The following COL5A1 variants were observed in gnomAD, a reference collection of about 807,000 sequenced individuals.
The protein encoded by COL5A1 is collagen type V alpha 1 chain.
Under a neutral mutation model 263.7 loss-of-function variants are expected in COL5A1, and 16 were observed. That is an observed-to-expected ratio of 0.06 (90% CI 0.04 to 0.09). COL5A1 has a LOEUF of 0.09. COL5A1 is among the 10% of genes least tolerant of loss of function. The pLI is 1.00. For missense variants in COL5A1, 2,036 were observed against 2,540.5 expected, an observed-to-expected ratio of 0.80 and a Z score of 4.27; for synonymous variants, 1,012 against 1,004.5, an observed-to-expected ratio of 1.01 and a Z score of -0.14.
intron 31 of COL5A1, among the ~76,000 whole-genome samples, chr9:134,786,508 G>A (rs1241134014): frequency 6.6e-6 from 1 of 152,200 alleles, no homozygotes; most frequent in African/African-American, 2.4e-5. Flanking sequence ...TGCTTGGCTG[G>A]TGGCCCTTTT....
intron 4 of COL5A1, among the ~76,000 whole-genome samples, chr9:134,702,485 C>T (rs192834371): frequency 7.9e-5 from 12 of 152,264 alleles, no homozygotes; most frequent in Non-Finnish European, 1.5e-4. Context: ...TGTTTCTTCT[C>T]GGTGACTCGG....
rs968225774 is a variant in COL5A1, at chr9:134,751,400, C to T, written c.1662+518C>T. Among the ~76,000 whole-genome samples the T allele has an allele frequency of 1.1e-4, 16 of 152,362 alleles. 1 individual carries two copies. Among genetic ancestry groups the T allele is most frequent in the African/African-American group, 3.8e-4 (16 of 41,592 alleles). ...TGGTGACCTTTGCCTCTGTGCTAGG[C>T]CCTCTGCTGGGATCCAGAAGTGGAG... is the stretch of plus-strand genomic sequence containing the variant. On this transcript the variant is annotated intron_variant, in intron 13 of 65. Coordinates refer to ENST00000371817, the MANE Select transcript of COL5A1 (RefSeq NM_000093.5).
rs1344293619 is a variant in COL5A1 at position 134,652,135 on chromosome 9, G to A, written c.109+9839G>A. On this transcript the variant is annotated intron_variant, in intron 1 of 65. Transcript: ENST00000371817. This position sits in a 1 kb window ranked among gnomAD's most constrained non-coding sequence, Gnocchi z 4.4. ...CGTTCTCGAGGGAAGGGTAGGGAAC[G>A]ATTTCTGACTGCGATTGTAAGAGCT... Among the ~76,000 whole-genome samples the A allele has an allele frequency of 6.6e-6, 1 of 152,152 alleles. No individual in the cohort carries two copies. Among genetic ancestry groups the A allele is most frequent in the Non-Finnish European group, 1.5e-5 (1 of 68,040 alleles).
chr9:134,731,366 C>A, intron 7 of COL5A1, 130 bp from the exon 8 acceptor site: 1 of 945,760 alleles, frequency 1.1e-6, no homozygotes, highest in Non-Finnish European at 1.6e-6. Context: ...ATGGTGCCAG[C>A]ACAGGGCCTG....
chr9:134,753,047 G>A (rs1325533485), intron 14 of COL5A1, among the ~76,000 whole-genome samples: 1 of 152,176 alleles, frequency 6.6e-6, no homozygotes, highest in East Asian at 1.9e-4. Context: ...GTCACCAGAG[G>A]AGTGGCTCCT....
intron 4 of COL5A1, chr9:134,709,276 C>G: frequency 7.7e-6 from 2 of 260,084 alleles, no homozygotes; most frequent in South Asian, 3.4e-5. Flanking sequence ...GCTGAGGCTT[C>G]GGGGTGGGCT....
In COL5A1 at chr9:134,818,311, G is replaced by A. The variant is rs565167647; in HGVS notation, c.4231-345G>A. 6.6e-6 allele frequency among the ~76,000 whole-genome samples: 1 copy of A among 152,300 alleles called. No homozygotes were observed. Among genetic ancestry groups the A allele is most frequent in the South Asian group, 2.1e-4 (1 of 4,828 alleles). ...GCTATTCTGTCAGTGAGGTGATGGC[G>A]GCCCGGCCTGGCACTGTCTGCCTCC... On this transcript the variant is annotated intron_variant, in intron 54 of 65. Coordinates refer to ENST00000371817, the MANE Select transcript of COL5A1 (RefSeq NM_000093.5). This position sits in a 1 kb window ranked among gnomAD's most constrained non-coding sequence, Gnocchi z 6.0.
At chr9:134,729,048 C>T (rs1588477700) in intron 6 of COL5A1, among the ~76,000 whole-genome samples, 1 of 152,332 alleles carries the variant, frequency 6.6e-6, no homozygotes, top group African/African-American at 2.4e-5. Flanking sequence ...GAGCATCTGC[C>T]AGCATCTCTG....
chr9:134,754,321 A>C lies in COL5A1; in HGVS notation c.1822A>C (p.Arg608=). 6.2e-7 allele frequency: 1 copy of C among 1,614,058 alleles called. No individual in the cohort carries two copies. Among genetic ancestry groups the C allele is most frequent in the Non-Finnish European group, 8.5e-7 (1 of 1,180,044 alleles). ...GPPGPAGKPG[R]RGRAGSDGAR... ...GCCTGGTCCGGCCGGGAAGCCCGGAAGACGGGTGAGTGGTGCGAGTGTGTG... is the reference window on the plus strand; with the variant it reads ...GCCTGGTCCGGCCGGGAAGCCCGGACGACGGGTGAGTGGTGCGAGTGTGTG... Residue 608 remains arginine, a synonymous_variant, in exon 16 of 66, where the codon AGA becomes CGA. Transcript: ENST00000371817. The surrounding 1 kb of genome is among the most constrained non-coding windows in gnomAD (Gnocchi z 4.3).
At chr9:134,668,584 A>C (rs896859341) in intron 1 of COL5A1, among the ~76,000 whole-genome samples, 2 of 150,604 alleles carry the variant, frequency 1.3e-5, no homozygotes. Context: ...CCATCTATCT[A>C]CTTGTCCATC....
chr9:134,819,095 CT>C, intron 57 of COL5A1, 42 bp downstream of exon 57: 1 of 1,601,084 alleles, frequency 6.2e-7, no homozygotes, highest in Non-Finnish European at 8.6e-7. Flanking sequence ...GACTCGGGGC[CT>C]TCAAATTTGT....
intron 1 of COL5A1, among the ~76,000 whole-genome samples, chr9:134,644,591 G>GC (rs562703110): frequency 3.4e-5 from 5 of 146,490 alleles, no homozygotes; most frequent in African/African-American, 7.9e-5. Context: ...GGCAGGCGCG[G>GC]GGGGGAGCCA....
chr9:134,669,831 C>G (rs1458363024), intron 1 of COL5A1, among the ~76,000 whole-genome samples: 1 of 152,154 alleles, frequency 6.6e-6, no homozygotes, highest in Non-Finnish European at 1.5e-5. Flanking sequence ...AGACATAAGA[C>G]AACTCCATGG....
Position 134,758,268 on chromosome 9 carries a change from C to G in COL5A1, c.1907C>G (p.Ala636Gly). 1 of 1,614,016 alleles carries G rather than the reference C, an allele frequency of 6.2e-7. No individual in the cohort carries two copies. The highest frequency in any genetic ancestry group is 8.5e-7 in the Non-Finnish European group (1 of 1,179,998). ...GGTGACCGGGGTTTCGACGGCCTGGCTGGGTTGCCAGGCGAGAAGGGCCAC... is the reference window on the plus strand; with the variant it reads ...GGTGACCGGGGTTTCGACGGCCTGGGTGGGTTGCCAGGCGAGAAGGGCCAC... ...PKGDRGFDGL[A>G]GLPGEKGHRG... The change falls in exon 18 of 66, where the codon GCT becomes GGT. Residue 636 changes from alanine (A) to glycine (G), a missense_variant. Ala to Gly is a moderately conservative substitution (Grantham distance 60). Coordinates refer to ENST00000371817, the MANE Select transcript of COL5A1 (RefSeq NM_000093.5). The surrounding 1 kb of genome is among the most constrained non-coding windows in gnomAD (Gnocchi z 4.1).
At chr9:134,693,696 C>T (rs1174542695) in intron 2 of COL5A1, among the ~76,000 whole-genome samples, 4 of 152,202 alleles carry the variant, frequency 2.6e-5, no homozygotes, top group African/African-American at 4.8e-5. Flanking sequence ...CCCTTCCGCC[C>T]GGCCCTCCGA....
At position 134,748,323 on chromosome 9, in the gene COL5A1, A is replaced by G. The variant is rs570785025; in HGVS notation, c.1495-2219A>G. Among the ~76,000 whole-genome samples, 3 of 152,010 alleles carry G rather than the reference A, an allele frequency of 2.0e-5. No individual in the cohort carries two copies. The East Asian group carries it at 5.8e-4, about 29-fold the overall frequency. On this transcript the variant is annotated intron_variant, in intron 11 of 65. Transcript: ENST00000371817. ...CACACATGCATTGATAGTCACATAC[A>G]TGCACACACATGCATTCACACATTC...
In COL5A1 at chr9:134,642,142, C is replaced by T. The variant is rs867018027; in HGVS notation, c.-46C>T. 9 of 1,236,678 alleles carry T rather than the reference C, an allele frequency of 7.3e-6. No individual in the cohort carries two copies. The highest frequency in any genetic ancestry group is 3.1e-4 in the Middle Eastern group (1 of 3,244). 76.6% of individuals were successfully genotyped at this position (1,236,678 alleles called of 1,614,324 possible). A position where few individuals can be genotyped will look rare whatever the true frequency, so the allele number is the denominator to read the frequency against. ...TGACCCGCGCCCCTGTGCGTCCCCG[C>T]GCGCCTCCGAGCGCCCCTGTGCGCC... On this transcript the variant is annotated 5_prime_UTR_variant, in exon 1 of 66. Transcript: ENST00000371817. This position sits in a 1 kb window ranked among gnomAD's most constrained non-coding sequence, Gnocchi z 4.5.
chr9:134,761,510 G>A (rs1001661132), intron 18 of COL5A1, among the ~76,000 whole-genome samples: 1 of 152,256 alleles, frequency 6.6e-6, no homozygotes, highest in Non-Finnish European at 1.5e-5. Flanking sequence ...CGACTGATGA[G>A]CACATATTGA....
chr9:134,825,718 C>A, intron 62 of COL5A1, 74 bp from the exon 63 acceptor site: 2 of 951,064 alleles, frequency 2.1e-6, no homozygotes, highest in Non-Finnish European at 3.4e-6. Context: ...TGAAATGTCA[C>A]AGCGGCTTCC....
Sources: gnomAD v4.1 joint callset for allele counts (sites outside exome capture counted in the v4.1 genomes callset) on GRCh38, gnomAD v4.1.1 for gene constraint, Gnocchi (gnomAD v3.1) non-coding constraint, MANE v1.5 for transcripts, NCBI Gene and HGNC (gene_info 2026-07-23, HGNC 2026-07-21) for gene names.